Variants in MSTO1 observed in about 807,000 individuals in gnomAD.
The protein encoded by MSTO1 is misato mitochondrial distribution and morphology regulator 1.
A neutral mutation model predicts 55.7 loss-of-function variants in MSTO1; 24 were observed. That is an observed-to-expected ratio of 0.43 (90% confidence interval 0.31 to 0.61). The LOEUF (loss-of-function observed/expected upper bound fraction) is 0.61. MSTO1 is among the 20% of genes least tolerant of loss of function. The probability of loss-of-function intolerance (pLI) is 0.09; values close to 1 mark genes in which losing one functional copy is unlikely to be tolerated. For synonymous variants in MSTO1, 162 were observed against 252.8 expected (o/e 0.64, Z 3.41); for missense variants, 363 against 625.7 (o/e 0.58, Z 4.48).
At chr1:155,603,347 A>G in the MSTO1 span, among the ~76,000 whole-genome samples, 6 of 152,246 alleles carry the variant, frequency 3.9e-5, no homozygotes, top group South Asian at 1.0e-3. Flanking sequence ...CAGTGAGCTG[A>G]GATCACACCA....
chr1:155,587,550 T>C, the MSTO1 span, among the ~76,000 whole-genome samples: 1 of 148,330 alleles, frequency 6.7e-6, no homozygotes, highest in Non-Finnish European at 1.5e-5. Context: ...GAGACCATCC[T>C]GGCTAACACG....
the MSTO1 span, among the ~76,000 whole-genome samples, chr1:155,576,719 A>G: frequency 6.6e-5 from 10 of 151,480 alleles, no homozygotes; most frequent in African/African-American, 1.9e-4. Flanking sequence ...ATTTTCTGCT[A>G]TAGAAAATTA....
the MSTO1 span, among the ~76,000 whole-genome samples, chr1:155,603,639 C>G: frequency 2.0e-5 from 3 of 151,992 alleles, no homozygotes; most frequent in Non-Finnish European, 2.9e-5. Context: ...AGGTGGATCA[C>G]CAGAGGTCAG....
chr1:155,582,271 A>C, the MSTO1 span, among the ~76,000 whole-genome samples: 2 of 152,222 alleles, frequency 1.3e-5, no homozygotes, highest in Non-Finnish European at 2.9e-5. Flanking sequence ...TGTGTTCTGC[A>C]GAGAAGTGTT....
At chr1:155,598,900 C>T in the MSTO1 span, 1 of 1,452,220 alleles carries the variant, frequency 6.9e-7, no homozygotes, top group African/African-American at 1.4e-5. Flanking sequence ...CTGGCTGATA[C>T]TACGTATTCC....
chr1:155,584,269 G>A, the MSTO1 span, among the ~76,000 whole-genome samples: 1 of 152,072 alleles, frequency 6.6e-6, no homozygotes, highest in African/African-American at 2.4e-5. Context: ...TGAAGTGGGA[G>A]GATCGCTTGA....
At chr1:155,573,131 T>C in the MSTO1 span, among the ~76,000 whole-genome samples, 1,746 of 152,300 alleles carry the variant, frequency 0.011, 39 homozygotes, top group African/African-American at 0.04. Context: ...CCCTTAACCA[T>C]GGACATACAG....
At chr1:155,606,417 C>T (rs766215214), upstream of MSTO1, among the ~76,000 whole-genome samples, 4 of 149,596 alleles carry the variant, frequency 2.7e-5, no homozygotes, top group South Asian at 2.1e-4. Context: ...TCTTTTCAGA[C>T]GGAGTCTCAC....
the MSTO1 span, chr1:155,586,835 C>A: frequency 3.7e-6 from 1 of 268,036 alleles, no homozygotes; most frequent in South Asian, 3.7e-5. Flanking sequence ...GCAACCTCTG[C>A]CTTCCAGGTT....
chr1:155,569,291 A>G, the MSTO1 span, among the ~76,000 whole-genome samples: 1 of 150,680 alleles, frequency 6.6e-6, no homozygotes, highest in Non-Finnish European at 1.5e-5. Flanking sequence ...GCCCGCCACC[A>G]CGCCCAGCTA....
chr1:155,611,311 A>G lies in MSTO1; in HGVS notation c.366+20A>G, dbSNP rs1252634586. The G allele has an allele frequency of 6.2e-6, 10 of 1,613,652 alleles. No individual in the cohort carries two copies. The highest frequency in any genetic ancestry group is 1.6e-4 in the Middle Eastern group (1 of 6,078). The stretch of plus-strand genomic sequence containing the variant: ...GCAGAGGTGAGGGCCTCTGTCCTGA[A>G]CTTTTTAACCCGGTGCCACAACCCG... On this transcript the variant is annotated intron_variant, in intron 4 of 13. Coordinates refer to ENST00000245564, the MANE Select transcript of MSTO1 (RefSeq NM_018116.4).
upstream of MSTO1, among the ~76,000 whole-genome samples, chr1:155,609,307 G>C (rs1394385478): frequency 3.7e-5 from 5 of 134,952 alleles, no homozygotes; most frequent in African/African-American, 1.1e-4. Flanking sequence ...GTGCATTGGC[G>C]TGATCTCGGC....
chr1:155,590,630 A>T, the MSTO1 span: 3 of 1,388,862 alleles, frequency 2.2e-6, no homozygotes, highest in African/African-American at 4.4e-5. Flanking sequence ...GGGTACTCAG[A>T]GGTCCCCCGA....
the MSTO1 span, among the ~76,000 whole-genome samples, chr1:155,601,137 CT>C: frequency 6.7e-6 from 1 of 149,116 alleles, no homozygotes; most frequent in Non-Finnish European, 1.5e-5. Flanking sequence ...ATATTTATTC[CT>C]TTTTTTTTCT....
chr1:155,581,775 A>T, the MSTO1 span, among the ~76,000 whole-genome samples: 1 of 150,576 alleles, frequency 6.6e-6, no homozygotes, highest in Non-Finnish European at 1.5e-5. Flanking sequence ...GATAATTATC[A>T]TTCATCTTTA....
chr1:155,571,692 A>C, the MSTO1 span, among the ~76,000 whole-genome samples: 1 of 152,238 alleles, frequency 6.6e-6, no homozygotes, highest in East Asian at 1.9e-4. Context: ...GATATTATTA[A>C]GATGAGAAAA....
the MSTO1 span, among the ~76,000 whole-genome samples, chr1:155,574,798 TCTCCGA>T: frequency 6.6e-6 from 1 of 151,762 alleles, no homozygotes; most frequent in African/African-American, 2.4e-5. Flanking sequence ...GAACTCCTGG[TCTCCGA>T]AAGTGCTGGG....
At chr1:155,569,715 G>C in the MSTO1 span, among the ~76,000 whole-genome samples, 59 of 152,076 alleles carry the variant, frequency 3.9e-4, no homozygotes, top group Non-Finnish European at 7.1e-4. Context: ...GAGATTACAA[G>C]CATGATCCAC....
At chr1:155,577,736 G>T in the MSTO1 span, among the ~76,000 whole-genome samples, 3 of 152,074 alleles carry the variant, frequency 2.0e-5, no homozygotes, top group Non-Finnish European at 4.4e-5. Flanking sequence ...TATGAATTTT[G>T]AGATCAGCTT....
Sources: allele counts gnomAD v4.1 joint callset (sites outside exome capture counted in the v4.1 genomes callset), GRCh38; gene constraint gnomAD v4.1.1; transcripts MANE v1.5; gene names NCBI Gene and HGNC (gene_info 2026-07-23, HGNC 2026-07-21).